The following KDM4C variants were observed in gnomAD, a reference collection of about 807,000 sequenced individuals.
KDM4C encodes the protein lysine-specific demethylase 4C.
A neutral mutation model predicts 129.3 loss-of-function variants in KDM4C; 81 were observed. That is an observed-to-expected ratio of 0.63 (90% CI 0.52 to 0.75). The LOEUF is 0.75. Among genes scored for constraint, KDM4C ranks in the 30% least tolerant of loss-of-function variants. The probability of loss-of-function intolerance (pLI) is 0.00; values close to 1 mark genes in which losing one functional copy is unlikely to be tolerated. For synonymous variants in KDM4C, 573 were observed against 456.1 expected (o/e 1.26, Z -3.26); for missense variants, 1,457 against 1,304.0 (o/e 1.12, Z -1.81).
At chr9:7,118,920 C>G (rs552036850) in intron 18 of KDM4C, among the ~76,000 whole-genome samples, 63 of 152,264 alleles carry the variant, frequency 4.1e-4, no homozygotes, top group African/African-American at 1.3e-3. Context: ...TGATAAGAGA[C>G]TACCTATACG....
intron 7 of KDM4C, among the ~76,000 whole-genome samples, chr9:6,890,936 G>C (rs1181250561): frequency 6.6e-6 from 1 of 152,222 alleles, no homozygotes; most frequent in Non-Finnish European, 1.5e-5. Context: ...TCTGCTGCCA[G>C]GTGACAACTG....
chr9:6,878,274 G>C (rs1478415344), intron 5 of KDM4C, among the ~76,000 whole-genome samples: 1 of 152,022 alleles, frequency 6.6e-6, no homozygotes, highest in Non-Finnish European at 1.5e-5. Flanking sequence ...AGCAATAGTT[G>C]GTTAACCATA....
At chr9:7,172,911 A>G (rs1026479096) in intron 21 of KDM4C, among the ~76,000 whole-genome samples, 1 of 152,258 alleles carries the variant, frequency 6.6e-6, no homozygotes, top group Admixed American at 6.5e-5. Context: ...AACAGCTGCC[A>G]GTGCATTTTA....
chr9:6,756,296 T>C (rs576950136), upstream of KDM4C, among the ~76,000 whole-genome samples: 89 of 152,384 alleles, frequency 5.8e-4, 1 homozygote, highest in African/African-American at 2.0e-3. Flanking sequence ...ATTACTGTTC[T>C]AAGTAAGTGT....
chr9:6,763,572 TG>T lies in KDM4C; in HGVS notation c.-18+5370del, dbSNP rs558004391. Among the ~76,000 whole-genome samples, 10 of 152,244 alleles carry T rather than the reference TG, an allele frequency of 6.6e-5. No individual in the cohort carries two copies. In the South Asian group the frequency reaches 2.1e-3, roughly 32 times the overall value. On this transcript the variant is annotated intron_variant, in intron 1 of 21. Transcript: ENST00000381309. ...GTTAGTAACTTCTGGGTGATGGAAT[TG>T]TGGGTAATTTGTTTCCTTTGTGTTT... is the stretch of plus-strand genomic sequence containing the variant.
chr9:6,923,574 A>G (rs904271994), intron 8 of KDM4C, among the ~76,000 whole-genome samples: 1 of 152,200 alleles, frequency 6.6e-6, no homozygotes, highest in Non-Finnish European at 1.5e-5. Flanking sequence ...TTGTATTCTT[A>G]TTTGCCGAGG....
chr9:6,736,326 G>A (rs1039337772), intron 1 of KDM4C, among the ~76,000 whole-genome samples: 3 of 152,162 alleles, frequency 2.0e-5, no homozygotes, highest in Admixed American at 6.6e-5. Flanking sequence ...TAATCCCCAA[G>A]ACAATGGGGA....
In KDM4C at chr9:6,981,103, G is replaced by T; in HGVS notation, c.1100G>T (p.Arg367Ile). 6.2e-7 allele frequency: 1 copy of T among 1,611,584 alleles called. No individual in the cohort carries two copies. The highest frequency in any genetic ancestry group is 8.5e-7 in the Non-Finnish European group (1 of 1,179,044). ...KAWLQRRRKV[R>I]KASRSFQCAR... ...TGGCTGCAGAGGAGGAGGAAAGTAA[G>T]AAAAGCATCCCGAAGGTAATGACCC... The change falls in exon 9 of 22, where the codon AGA becomes ATA. Residue 367 changes from arginine (R) to isoleucine (I), a missense_variant. Transcript: ENST00000381309.
At chr9:6,739,780 A>G (rs1444286317) in intron 1 of KDM4C, among the ~76,000 whole-genome samples, 2 of 152,066 alleles carry the variant, frequency 1.3e-5, no homozygotes, top group Non-Finnish European at 2.9e-5. Flanking sequence ...AAGGATTGCT[A>G]GGAGTTCGAG....
At chr9:6,954,499 T>A (rs1828728612) in intron 8 of KDM4C, among the ~76,000 whole-genome samples, 1 of 152,180 alleles carries the variant, frequency 6.6e-6, no homozygotes, top group Non-Finnish European at 1.5e-5. Context: ...AGACATGATC[T>A]TTTTATTTGT....
At chr9:7,052,955 C>T (rs1249399311) in intron 17 of KDM4C, among the ~76,000 whole-genome samples, 1 of 109,360 alleles carries the variant, frequency 9.1e-6, no homozygotes, top group African/African-American at 3.5e-5. Context: ...GCTCGTGATG[C>T]ATTCAAAGTG....
chr9:7,065,152 C>A (rs1832250675), intron 17 of KDM4C, among the ~76,000 whole-genome samples: 1 of 152,078 alleles, frequency 6.6e-6, no homozygotes, highest in South Asian at 2.1e-4. Flanking sequence ...TTTTGTCAAA[C>A]CCATGAAAAT....
chr9:7,003,524 C>T (rs533218934), intron 12 of KDM4C, among the ~76,000 whole-genome samples: 1 of 151,668 alleles, frequency 6.6e-6, no homozygotes, highest in Admixed American at 6.6e-5. Flanking sequence ...GGAATGTATC[C>T]TTCTGAAATA....
intron 18 of KDM4C, among the ~76,000 whole-genome samples, chr9:7,106,744 C>G (rs1587674272): frequency 1.3e-5 from 2 of 152,154 alleles, no homozygotes; most frequent in East Asian, 3.9e-4. Context: ...ATCCTTTAGC[C>G]TCAGCCTCCC....
At chr9:6,793,209 G>C in intron 2 of KDM4C, 77 bp downstream of exon 2, 2 of 1,499,808 alleles carry the variant, frequency 1.3e-6, no homozygotes, top group Non-Finnish European at 9.1e-7. Context: ...CACGATTTGG[G>C]ACATTGTTTC....
In KDM4C at chr9:7,025,587, G is replaced by C. The variant is rs147178805; in HGVS notation, c.2259+9658G>C. On this transcript the variant is annotated intron_variant, in intron 15 of 21. Transcript: ENST00000381309. ...ATTATCTTACAACCTATTATTTTAA[G>C]CTGACAACCACTTAACATTGCATAG... is the stretch of plus-strand genomic sequence containing the variant. Among the ~76,000 whole-genome samples the C allele has an allele frequency of 6.3e-4, 96 of 152,234 alleles. 3 individuals carry two copies. The East Asian group carries it at 0.016, about 26-fold the overall frequency.
intron 6 of KDM4C, among the ~76,000 whole-genome samples, chr9:6,885,794 G>T (rs1431104470): frequency 6.6e-6 from 1 of 152,072 alleles, no homozygotes; most frequent in Non-Finnish European, 1.5e-5. Flanking sequence ...TGTTTTTCAG[G>T]ACTATGTAAA....
Position 6,800,281 on chromosome 9 carries a change from C to G in KDM4C, c.145-5318C>G, listed in dbSNP as rs370521904. ...CCTTGGGAGGCTGGGACACGAGAAT[C>G]ACTTGAACCTGAGAGGCTGAGGTTG... On this transcript the variant is annotated intron_variant, in intron 2 of 21. Transcript: ENST00000381309. Among the ~76,000 whole-genome samples, 39 of 152,246 alleles carry G rather than the reference C, an allele frequency of 2.6e-4. 1 individual carries two copies. The South Asian group carries it at 6.6e-3, about 26-fold the overall frequency.
rs192193557 is a variant in KDM4C at position 6,866,029 on chromosome 9, C to T, written c.630-13983C>T. ...CGGCCTCCCAGAGTGCTGGGATTCACCGTGCCTGGCCACCCAGCTAATTTT... is the reference window on the plus strand; with the variant it reads ...CGGCCTCCCAGAGTGCTGGGATTCATCGTGCCTGGCCACCCAGCTAATTTT... On this transcript the variant is annotated intron_variant, in intron 5 of 21. Transcript: ENST00000381309. Among the ~76,000 whole-genome samples the T allele has an allele frequency of 5.9e-5, 9 of 152,082 alleles. No individual in the cohort carries two copies. In the East Asian group the frequency reaches 9.7e-4, roughly 16 times the overall value.
Sources: allele counts gnomAD v4.1 joint callset (sites outside exome capture counted in the v4.1 genomes callset), GRCh38; gene constraint gnomAD v4.1.1; transcripts MANE v1.5; gene names NCBI Gene and HGNC (gene_info 2026-07-23, HGNC 2026-07-21).